The following GNRHR variants were observed in gnomAD, a reference collection of about 807,000 sequenced individuals.
GNRHR encodes the protein gonadotropin releasing hormone receptor.
In GNRHR, 14 loss-of-function variants were observed where a neutral mutation model predicts 28.1. That is an observed-to-expected ratio of 0.50 (90% CI 0.33 to 0.78). The LOEUF (loss-of-function observed/expected upper bound fraction) is 0.78. Among genes scored for constraint, GNRHR ranks in the 30% least tolerant of loss-of-function variants. The probability of loss-of-function intolerance (pLI) is 0.02; values close to 1 mark genes in which losing one functional copy is unlikely to be tolerated. For missense variants in GNRHR, 366 were observed against 382.1 expected (o/e 0.96, Z 0.35); for synonymous variants, 141 against 140.5 (o/e 1.00, Z -0.02).
intron 1 of GNRHR, among the ~76,000 whole-genome samples, chr4:67,749,841 C>A (rs1294722759): frequency 6.6e-6 from 1 of 152,084 alleles, no homozygotes; most frequent in Non-Finnish European, 1.5e-5. Flanking sequence ...GTTTACTAAT[C>A]AGTCAGAATG....
intron 1 of GNRHR, among the ~76,000 whole-genome samples, chr4:67,752,972 T>C (rs1731899202): frequency 6.6e-6 from 1 of 152,368 alleles, no homozygotes; most frequent in Non-Finnish European, 1.5e-5. Flanking sequence ...AGAGAAAACT[T>C]GTTCATCTGC....
Position 67,737,937 on chromosome 4 carries a change from G to T in GNRHR, c.*2543C>A, listed in dbSNP as rs1731579825. 6.6e-6 allele frequency among the ~76,000 whole-genome samples: 1 copy of T among 151,454 alleles called. No individual in the cohort carries two copies. Among genetic ancestry groups the T allele is most frequent in the African/African-American group, 2.4e-5 (1 of 41,310 alleles). Reference sequence around the variant, plus strand: ...TAATATCAAATATGAAATATTGTCTGTTGAGTGGAATATCTTTAATTTCAA... The same window carrying T: ...TAATATCAAATATGAAATATTGTCTTTTGAGTGGAATATCTTTAATTTCAA... On this transcript the variant is annotated 3_prime_UTR_variant, in exon 3 of 3. Coordinates refer to ENST00000226413, the MANE Select transcript of GNRHR (RefSeq NM_000406.3).
chr4:67,750,636 C>G (rs897679009), intron 1 of GNRHR, among the ~76,000 whole-genome samples: 2 of 151,924 alleles, frequency 1.3e-5, no homozygotes, highest in Admixed American at 6.6e-5. Flanking sequence ...TTTGGTCATT[C>G]TGAGCTGAGG....
At position 67,737,641 on chromosome 4, in the gene GNRHR, GC is replaced by G. The variant is rs1379567346; in HGVS notation, c.*2838del. 1.3e-5 allele frequency among the ~76,000 whole-genome samples: 2 copies of G among 151,776 alleles called. No homozygotes were observed. Among genetic ancestry groups the G allele is most frequent in the African/African-American group, 4.8e-5 (2 of 41,348 alleles). The stretch of plus-strand genomic sequence containing the variant: ...GTACCTTCCCCAGAGTATTTTTTTA[GC>G]TACTATATTTCTATATTTCTGTTGA... On this transcript the variant is annotated 3_prime_UTR_variant, in exon 3 of 3. Transcript: ENST00000226413.
intron 1 of GNRHR, among the ~76,000 whole-genome samples, chr4:67,750,758 TGC>T (rs1731851398): frequency 6.6e-6 from 1 of 152,114 alleles, no homozygotes; most frequent in East Asian, 1.9e-4. Flanking sequence ...AATCGGTATG[TGC>T]ACCAAAGGAT....
intron 1 of GNRHR, among the ~76,000 whole-genome samples, chr4:67,752,402 T>A (rs923379896): frequency 6.6e-6 from 1 of 151,462 alleles, no homozygotes; most frequent in African/African-American, 2.4e-5. Flanking sequence ...TTTTAATAAT[T>A]TGTTGATATG....
At chr4:67,743,474 A>G (rs1172803254) in intron 2 of GNRHR, among the ~76,000 whole-genome samples, 1 of 152,214 alleles carries the variant, frequency 6.6e-6, no homozygotes, top group Admixed American at 6.5e-5. Flanking sequence ...AAAGCAGGAT[A>G]CTTACTAGGT....
intron 2 of GNRHR, 116 bp downstream of exon 2, chr4:67,744,452 G>T: frequency 1.4e-6 from 1 of 709,482 alleles, no homozygotes. Context: ...TATTAAATGA[G>T]CTAATATATG....
At chr4:67,750,949 A>G (rs1445114186) in intron 1 of GNRHR, among the ~76,000 whole-genome samples, 1 of 152,200 alleles carries the variant, frequency 6.6e-6, no homozygotes. Flanking sequence ...TATATGTAAC[A>G]TTAGTTATGG....
intron 1 of GNRHR, among the ~76,000 whole-genome samples, chr4:67,752,838 G>T (rs958011244): frequency 2.0e-5 from 3 of 151,436 alleles, no homozygotes; most frequent in African/African-American, 4.8e-5. Flanking sequence ...CATCTGGTCA[G>T]TAAAAAAAAG....
rs1201741293 is a variant in GNRHR at position 67,754,030 on chromosome 4, G to A, written c.306C>T (p.Asn102=). The change falls in exon 1 of 3, where the codon AAC becomes AAT. Residue 102 remains asparagine, a synonymous_variant. Transcript: ENST00000226413. The part of the protein sequence containing the change: ...LIVMPLDGMW[N]ITVQWYAGEL... The stretch of plus-strand genomic sequence containing the variant: ...CTCCAGCATACCATTGGACTGTAAT[G>A]TTCCACATCCCATCCAGTGGCATGA... 5 of 1,613,608 alleles carry A rather than the reference G, an allele frequency of 3.1e-6. No individual in the cohort carries two copies. Among genetic ancestry groups the A allele is most frequent in the South Asian group, 2.2e-5 (2 of 91,070 alleles).
At chr4:67,745,332 A>C (rs75779368) in intron 1 of GNRHR, among the ~76,000 whole-genome samples, 5 of 152,176 alleles carry the variant, frequency 3.3e-5, no homozygotes, top group Non-Finnish European at 7.4e-5. Context: ...AGCTGAAAAG[A>C]GCTTCCACTG....
At chr4:67,746,965 T>C (rs1731765710) in intron 1 of GNRHR, among the ~76,000 whole-genome samples, 1 of 152,170 alleles carries the variant, frequency 6.6e-6, no homozygotes, top group Non-Finnish European at 1.5e-5. Flanking sequence ...TTTTATCTTA[T>C]GATTCAGACT....
Position 67,738,859 on chromosome 4 carries a change from C to G in GNRHR, c.*1621G>C, listed in dbSNP as rs188539752. Among the ~76,000 whole-genome samples the G allele has an allele frequency of 1.2e-4, 18 of 151,658 alleles. No individual in the cohort carries two copies. Among genetic ancestry groups the G allele is most frequent in the African/African-American group, 4.3e-4 (18 of 41,382 alleles). ...AGCTATGAATGAAAGAGTGAGTAGACAGAGGGAGTTCAATTGAGACAGAAT... is the reference window on the plus strand; with the variant it reads ...AGCTATGAATGAAAGAGTGAGTAGAGAGAGGGAGTTCAATTGAGACAGAAT... On this transcript the variant is annotated 3_prime_UTR_variant, in exon 3 of 3. Coordinates refer to ENST00000226413, the MANE Select transcript of GNRHR (RefSeq NM_000406.3).
chr4:67,740,640 A>G lies in GNRHR; in HGVS notation c.827T>C (p.Phe276Ser). ...LKMTVAFATS[F>S]TVCWTPYYVL... ...ATAGTAGGGAGTCCAGCAGACAGTA[A>G]ATGAAGTGGCAAATGCAACCGTCAT... is the stretch of plus-strand genomic sequence containing the variant. Residue 276 changes from phenylalanine to serine, a missense_variant, in exon 3 of 3, where the codon TTT becomes TCT. By Grantham distance (155) the Phe-to-Ser change is radical. Coordinates refer to ENST00000226413, the MANE Select transcript of GNRHR (RefSeq NM_000406.3). 2 of 1,611,568 alleles carry G rather than the reference A, an allele frequency of 1.2e-6. No individual in the cohort carries two copies. The highest frequency in any genetic ancestry group is 1.7e-6 in the Non-Finnish European group (2 of 1,177,644).
At position 67,737,649 on chromosome 4, in the gene GNRHR, A is replaced by G. The variant is rs1158254798; in HGVS notation, c.*2831T>C. Among the ~76,000 whole-genome samples, 3 of 151,978 alleles carry G rather than the reference A, an allele frequency of 2.0e-5. No individual in the cohort carries two copies. Among genetic ancestry groups the G allele is most frequent in the East Asian group, 3.9e-4 (2 of 5,178 alleles). On this transcript the variant is annotated 3_prime_UTR_variant, in exon 3 of 3. Coordinates refer to ENST00000226413, the MANE Select transcript of GNRHR (RefSeq NM_000406.3). ...CCCAGAGTATTTTTTTAGCTACTATATTTCTATATTTCTGTTGAATAGGCT... is the reference window on the plus strand; with the variant it reads ...CCCAGAGTATTTTTTTAGCTACTATGTTTCTATATTTCTGTTGAATAGGCT...
Position 67,737,414 on chromosome 4 carries a change from A to G in GNRHR, c.*3066T>C, listed in dbSNP as rs541499007. ...AAATTTCTTTTATTCATATGAGCAC[A>G]ATGTATAGTAATTAGAGAAGCCCAA... is the stretch of plus-strand genomic sequence containing the variant. On this transcript the variant is annotated 3_prime_UTR_variant, in exon 3 of 3. Coordinates refer to ENST00000226413, the MANE Select transcript of GNRHR (RefSeq NM_000406.3). Among the ~76,000 whole-genome samples, 1 of 152,114 alleles carries G rather than the reference A, an allele frequency of 6.6e-6. No individual in the cohort carries two copies. The highest frequency in any genetic ancestry group is 1.5e-5 in the Non-Finnish European group (1 of 67,914).
chr4:67,742,592 G>A (rs1731680121), intron 2 of GNRHR, among the ~76,000 whole-genome samples: 1 of 152,154 alleles, frequency 6.6e-6, no homozygotes. Flanking sequence ...CTGCCTACCT[G>A]AAATTTTGGA....
intron 1 of GNRHR, 146 bp from the exon 2 acceptor site, chr4:67,744,933 G>A: frequency 1.7e-6 from 1 of 592,402 alleles, no homozygotes; most frequent in Non-Finnish European, 3.0e-6. Context: ...TCTATGAAAA[G>A]TCATGTGAAT....
Sources: allele counts gnomAD v4.1 joint callset (sites outside exome capture counted in the v4.1 genomes callset), GRCh38; gene constraint gnomAD v4.1.1; transcripts MANE v1.5; gene names NCBI Gene and HGNC (gene_info 2026-07-23, HGNC 2026-07-21).